ADAMTS2: variants seen among roughly 807,000 people sequenced by gnomAD.
The protein encoded by ADAMTS2 is ADAM metallopeptidase with thrombospondin type 1 motif 2, also known as A disintegrin and metalloproteinase with thrombospondin motifs 2.
Under a neutral mutation model 123.0 loss-of-function variants are expected in ADAMTS2, and 50 were observed. The ratio of observed to expected loss-of-function variants is 0.41; its 90% CI spans 0.32 to 0.51. The LOEUF (loss-of-function observed/expected upper bound fraction) is 0.51. Ranked by LOEUF, ADAMTS2 falls within the 20% of genes least tolerant of loss-of-function variation. The probability of loss-of-function intolerance (pLI) is 0.35; values close to 1 mark genes in which losing one functional copy is unlikely to be tolerated. For synonymous variants in ADAMTS2, 678 were observed against 695.4 expected, an observed-to-expected ratio of 0.98 and a Z score of 0.39; for missense variants, 1,494 against 1,705.2, an observed-to-expected ratio of 0.88 and a Z score of 2.18.
At position 179,255,316 on chromosome 5, in the gene ADAMTS2, C is replaced by T. The variant is rs149571811; in HGVS notation, c.688+17595G>A. On this transcript the variant is annotated intron_variant, in intron 3 of 21. Transcript: ENST00000251582. ...TCCTTCACATCCATGGCAAGTGAAC[C>T]GGGTAACAAAGTCAGAGGCAAGACC... 2.3e-4 allele frequency among the ~76,000 whole-genome samples: 35 copies of T among 152,240 alleles called. 1 individual carries two copies. Among genetic ancestry groups the T allele is most frequent in the African/African-American group, 6.3e-4 (26 of 41,536 alleles).
chr5:179,127,268 G>A (rs946993174), intron 17 of ADAMTS2, among the ~76,000 whole-genome samples: 2 of 152,254 alleles, frequency 1.3e-5, no homozygotes, highest in Middle Eastern at 3.4e-3. Flanking sequence ...CCCGGTGTGG[G>A]GCCGGGGGTG....
chr5:179,200,840 A>T (rs895559050), intron 4 of ADAMTS2, among the ~76,000 whole-genome samples: 2 of 152,218 alleles, frequency 1.3e-5, no homozygotes, highest in Non-Finnish European at 2.9e-5. Context: ...GGTCAACAAC[A>T]GGACTGGGGG....
intron 4 of ADAMTS2, among the ~76,000 whole-genome samples, chr5:179,185,000 C>A (rs1561794013): frequency 6.6e-6 from 1 of 152,158 alleles, no homozygotes; most frequent in Non-Finnish European, 1.5e-5. Context: ...GGTAGCTCAG[C>A]AAAGCAGGGA....
At chr5:179,227,806 C>T (rs896891532) in intron 3 of ADAMTS2, among the ~76,000 whole-genome samples, 1 of 151,548 alleles carries the variant, frequency 6.6e-6, no homozygotes, top group Non-Finnish European at 1.5e-5. Flanking sequence ...TGGCCGAGGC[C>T]GGGAGGAGGG....
intron 1 of ADAMTS2, among the ~76,000 whole-genome samples, chr5:179,344,659 A>T (rs1757887441): frequency 6.6e-6 from 1 of 152,108 alleles, no homozygotes; most frequent in African/African-American, 2.4e-5. Flanking sequence ...CCCGAGCACG[A>T]GCGGCCTGTC....
chr5:179,113,704 CA>C lies in ADAMTS2; in HGVS notation c.*162del. 1 of 740,098 alleles carries C rather than the reference CA, an allele frequency of 1.4e-6. No individual in the cohort carries two copies. Among genetic ancestry groups the C allele is most frequent in the South Asian group, 1.7e-5 (1 of 57,940 alleles). The allele number at this position is 740,098 out of a possible 1,614,324, so 45.8% of individuals were successfully genotyped here. The stretch of plus-strand genomic sequence containing the variant: ...AGCACACGTGCTAACCTAGTTACCA[CA>C]TGCTCATGCCTATCTTTCTTACGTC... On this transcript the variant is annotated 3_prime_UTR_variant, in exon 22 of 22. Transcript: ENST00000251582.
intron 2 of ADAMTS2, among the ~76,000 whole-genome samples, chr5:179,305,980 T>C (rs552936907): frequency 1.8e-4 from 28 of 152,280 alleles, no homozygotes; most frequent in African/African-American, 6.5e-4. Flanking sequence ...AAAGAATTCA[T>C]AGTTTAAAAT....
intron 3 of ADAMTS2, among the ~76,000 whole-genome samples, chr5:179,236,994 C>A (rs1765544314): frequency 3.3e-5 from 5 of 152,134 alleles, no homozygotes; most frequent in Admixed American, 3.3e-4. Flanking sequence ...GTGGCTTACA[C>A]CAGTAATCTC....
At chr5:179,282,509 C>T (rs1194042990) in intron 2 of ADAMTS2, among the ~76,000 whole-genome samples, 6 of 152,206 alleles carry the variant, frequency 3.9e-5, no homozygotes, top group Non-Finnish European at 7.3e-5. Context: ...TCTGCCAACA[C>T]CACACAGTCT....
chr5:179,229,685 A>G (rs1765365852), intron 3 of ADAMTS2, among the ~76,000 whole-genome samples: 1 of 152,238 alleles, frequency 6.6e-6, no homozygotes, highest in Non-Finnish European at 1.5e-5. Context: ...ACCTCCAAGA[A>G]AAAAGAAATG....
intron 3 of ADAMTS2, among the ~76,000 whole-genome samples, chr5:179,221,784 G>A (rs1442581014): frequency 1.3e-5 from 2 of 152,044 alleles, no homozygotes; most frequent in Non-Finnish European, 2.9e-5. Flanking sequence ...GAACTTGCCA[G>A]ACCCTCAGCC....
chr5:179,293,124 C>T (rs561270643), intron 2 of ADAMTS2, among the ~76,000 whole-genome samples: 5 of 152,270 alleles, frequency 3.3e-5, no homozygotes, highest in African/African-American at 9.6e-5. Flanking sequence ...AACCTGAAGC[C>T]GCTCCTCCTT....
At position 179,262,889 on chromosome 5, in the gene ADAMTS2, G is replaced by A. The variant is rs929659020; in HGVS notation, c.688+10022C>T. Among the ~76,000 whole-genome samples, 48 of 152,258 alleles carry A rather than the reference G, an allele frequency of 3.2e-4. No homozygotes were observed. Among genetic ancestry groups the A allele is most frequent in the South Asian group, 2.1e-4 (1 of 4,834 alleles). On this transcript the variant is annotated intron_variant, in intron 3 of 21. Transcript: ENST00000251582. The surrounding 1 kb of genome is among the most constrained non-coding windows in gnomAD (Gnocchi z 5.9). ...CACATGGTGGACACATAGCAAGAACGTGACGAGTGAATGCAGGAAAATACA... is the reference window on the plus strand; with the variant it reads ...CACATGGTGGACACATAGCAAGAACATGACGAGTGAATGCAGGAAAATACA...
chr5:179,237,477 TG>T (rs1161241932), intron 3 of ADAMTS2, among the ~76,000 whole-genome samples: 1 of 152,132 alleles, frequency 6.6e-6, no homozygotes, highest in Non-Finnish European at 1.5e-5. Context: ...GTAAGCCACC[TG>T]GTGTTGGGGG....
intron 2 of ADAMTS2, among the ~76,000 whole-genome samples, chr5:179,322,199 AC>A (rs1418869543): frequency 6.6e-5 from 10 of 152,222 alleles, no homozygotes; most frequent in African/African-American, 1.9e-4. Context: ...TAAAGACAGG[AC>A]AAAAAGTTGC....
At chr5:179,186,327 G>A (rs1327523175) in intron 4 of ADAMTS2, among the ~76,000 whole-genome samples, 2 of 152,212 alleles carry the variant, frequency 1.3e-5, no homozygotes, top group African/African-American at 4.8e-5. Flanking sequence ...ACAGTCCGGG[G>A]CCGGGCTCCT....
rs1762602148 is a variant in ADAMTS2, at chr5:179,113,496, T to C, written c.*371A>G. On this transcript the variant is annotated 3_prime_UTR_variant, in exon 22 of 22. Transcript: ENST00000251582. The stretch of plus-strand genomic sequence containing the variant: ...TGTGTCTGGGGATCGGTAGGGAATG[T>C]CATGCATCTCCGCCAAGGAAAGGAA... 9.7e-6 allele frequency: 3 copies of C among 310,842 alleles called. No individual in the cohort carries two copies. The highest frequency in any genetic ancestry group is 1.8e-5 in the Non-Finnish European group (3 of 163,146). The allele number at this position is 310,842 out of a possible 1,614,324, so 19.3% of individuals were successfully genotyped here. A position where few individuals can be genotyped will look rare whatever the true frequency, so the allele number is the denominator to read the frequency against.
At chr5:179,226,968 A>G (rs1205945405) in intron 3 of ADAMTS2, among the ~76,000 whole-genome samples, 1 of 152,224 alleles carries the variant, frequency 6.6e-6, no homozygotes, top group African/African-American at 2.4e-5. Context: ...GACGTCCAAG[A>G]CATGTTCCCT....
At chr5:179,195,201 C>T (rs1764397466) in intron 4 of ADAMTS2, among the ~76,000 whole-genome samples, 1 of 152,216 alleles carries the variant, frequency 6.6e-6, no homozygotes, top group Admixed American at 6.5e-5. Flanking sequence ...CCAGGGAGTG[C>T]CGAACATGAC....
Sources: allele counts gnomAD v4.1 joint callset (sites outside exome capture counted in the v4.1 genomes callset), GRCh38; gene constraint gnomAD v4.1.1; non-coding constraint Gnocchi (gnomAD v3.1); transcripts MANE v1.5; gene names NCBI Gene and HGNC (gene_info 2026-07-23, HGNC 2026-07-21).